NDUFV3: variants seen among roughly 807,000 people sequenced by gnomAD.
NDUFV3 encodes the protein NADH:ubiquinone oxidoreductase subunit V3.
Under a neutral mutation model 37.5 loss-of-function variants are expected in NDUFV3, and 44 were observed. The observed-to-expected ratio is 1.17, with a 90% CI of 0.92 to 1.51. NDUFV3 has a LOEUF of 1.51. Ranked by LOEUF, NDUFV3 falls within the 40% of genes most tolerant of loss-of-function variation. The pLI, the probability that NDUFV3 is intolerant of heterozygous loss-of-function variation, is 0.00. For missense variants in NDUFV3, 580 were observed against 580.4 expected, an observed-to-expected ratio of 1.00 and a Z score of 0.01; for synonymous variants, 235 against 239.3, an observed-to-expected ratio of 0.98 and a Z score of 0.17.
chr21:42,898,591 C>T (rs6586260), intron 2 of NDUFV3, among the ~76,000 whole-genome samples: 91,570 of 152,082 alleles, frequency 0.6, 28,350 homozygotes, highest in African/African-American at 0.71. Flanking sequence ...CACCTCAGCC[C>T]CTGGAGTAGC....
chr21:42,908,840 A>ATGGGCATCGTG, intron 3 of NDUFV3, 24 bp from the exon 4 acceptor site: 1 of 1,613,880 alleles, frequency 6.2e-7, no homozygotes, highest in Non-Finnish European at 8.5e-7. Flanking sequence ...TGTTGGTCTC[A>ATGGGCATCGTG]TGGGCATCGT....
rs766606719 is a variant in NDUFV3 at position 42,904,088 on chromosome 21, G to A, written c.1076G>A (p.Gly359Glu). ...AGAAAGGAAACCTCAGGGACGCAGG[G>A]AATAGAAGGCCACCTGAAGGGTGGA... is the stretch of plus-strand genomic sequence containing the variant. ...LPRKETSGTQGIEGHLKGGQA... is the reference protein window; with the variant it reads ...LPRKETSGTQEIEGHLKGGQA... Residue 359 changes from glycine to glutamate, a missense_variant, in exon 3 of 4, where the codon GGA (glycine) becomes GAA (glutamate). Transcript: ENST00000354250. 1.2e-6 allele frequency: 2 copies of A among 1,614,102 alleles called. No homozygotes were observed. Among genetic ancestry groups the A allele is most frequent in the East Asian group, 2.2e-5 (1 of 44,894 alleles).
Position 42,904,049 on chromosome 21 carries a change from C to T in NDUFV3, c.1037C>T (p.Ala346Val), listed in dbSNP as rs2058730677. Residue 346 changes from alanine (A) to valine (V), a missense_variant, in exon 3 of 4, where the codon GCC becomes GTC. Coordinates refer to ENST00000354250, the MANE Select transcript of NDUFV3 (RefSeq NM_021075.4). ...KPVPEPQRKAAPPLPRKETSG... is the reference protein window; with the variant it reads ...KPVPEPQRKAVPPLPRKETSG... ...GTGCCAGAGCCCCAGCGCAAGGCGG[C>T]CCCTCCCCTGCCCAGAAAGGAAACC... 1 of 1,614,014 alleles carries T rather than the reference C, an allele frequency of 6.2e-7. No homozygotes were observed. The highest frequency in any genetic ancestry group is 1.3e-5 in the African/African-American group (1 of 74,924).
chr21:42,900,836 C>T (rs2058715124), intron 2 of NDUFV3, among the ~76,000 whole-genome samples: 1 of 152,174 alleles, frequency 6.6e-6, no homozygotes, highest in African/African-American at 2.4e-5. Context: ...CAGCTTTCCC[C>T]AGCACATGCG....
At chr21:42,898,347 G>T (rs1408942103) in intron 2 of NDUFV3, among the ~76,000 whole-genome samples, 1 of 152,030 alleles carries the variant, frequency 6.6e-6, no homozygotes, top group Non-Finnish European at 1.5e-5. Context: ...CAGTGGCACA[G>T]TCATAGCTCA....
In NDUFV3 at chr21:42,903,397, CTGTCTCCAT is replaced by C. The variant is rs755350830; in HGVS notation, c.387_395del (p.Ser130_Phe132del). 6.9e-5 allele frequency: 111 copies of C among 1,614,098 alleles called. No homozygotes were observed. Among genetic ancestry groups the C allele is most frequent in the Non-Finnish European group, 1.1e-5 (13 of 1,180,040 alleles). On this transcript the variant is annotated inframe_deletion, in exon 3 of 4. Transcript: ENST00000354250. ...TTTGGTAGAGTTTCCACAGAAAGTT[CTGTCTCCAT>C]TCAGAAAACAGGGCTCTGATTCAGA... is the stretch of plus-strand genomic sequence containing the variant.
chr21:42,908,837 C>T, intron 3 of NDUFV3, 27 bp from the exon 4 acceptor site: 2 of 1,614,136 alleles, frequency 1.2e-6, no homozygotes, highest in Non-Finnish European at 1.7e-6. Flanking sequence ...TTGTGTTGGT[C>T]TCATGGGCAT....
rs879102036 is a variant in NDUFV3 at position 42,903,477 on chromosome 21, C to T, written c.465C>T (p.Ser155=). The part of the protein sequence containing the change: ...GRKVTSPSSS[S]SSSSSDSESD... ...AAGTGACGTCGCCTTCGTCTTCATC[C>T]TCTTCCAGCTCCTCTGATTCTGAAT... The change falls in exon 3 of 4, where the codon TCC becomes TCT. Residue 155 remains serine, a synonymous_variant. Transcript: ENST00000354250. 1 of 1,613,970 alleles carries T rather than the reference C, an allele frequency of 6.2e-7. No individual in the cohort carries two copies. The highest frequency in any genetic ancestry group is 1.7e-5 in the Admixed American group (1 of 59,992).
At position 42,896,967 on chromosome 21, in the gene NDUFV3, C is replaced by G; in HGVS notation, c.89C>G (p.Ser30Cys). The change falls in exon 2 of 4, where the codon TCT (serine) becomes TGT (cysteine). Residue 30 changes from serine to cysteine, a missense_variant. Transcript: ENST00000354250. ...QEAQVFRGLA[S>C]TVSLSAESGK... ...GCCCAGGTGTTTCGAGGACTTGCTT[C>G]TACGGTTTCTTTGTCTGCGGAATCA... The G allele has an allele frequency of 6.2e-7, 1 of 1,614,050 alleles. No individual in the cohort carries two copies. Among genetic ancestry groups the G allele is most frequent in the Non-Finnish European group, 8.5e-7 (1 of 1,179,948 alleles).
At chr21:42,906,462 C>T (rs911586172) in intron 3 of NDUFV3, among the ~76,000 whole-genome samples, 9 of 152,116 alleles carry the variant, frequency 5.9e-5, no homozygotes, top group Non-Finnish European at 7.4e-5. Context: ...CGCCAAGTGC[C>T]GGTGCTTGCC....
rs1450931430 is a variant in NDUFV3, at chr21:42,893,332, C to G, written c.-2C>G. On this transcript the variant is annotated 5_prime_UTR_variant, in exon 1 of 4. Coordinates refer to ENST00000354250, the MANE Select transcript of NDUFV3 (RefSeq NM_021075.4). ...CTGCTTGGTGCGCCCGCTGTCACCG[C>G]CATGGCTGCCCCGTGTTTGCTGCGG... 2 of 1,538,152 alleles carry G rather than the reference C, an allele frequency of 1.3e-6. No homozygotes were observed. The highest frequency in any genetic ancestry group is 2.7e-5 in the African/African-American group (2 of 72,948).
chr21:42,908,168 G>A (rs35893787), intron 3 of NDUFV3, among the ~76,000 whole-genome samples: 24,322 of 151,680 alleles, frequency 0.16, 2,369 homozygotes, highest in Non-Finnish European at 0.21. Context: ...TTAGCCAGGC[G>A]TGGTGGCAGA....
At chr21:42,901,128 A>G (rs2058716272) in intron 2 of NDUFV3, among the ~76,000 whole-genome samples, 1 of 152,128 alleles carries the variant, frequency 6.6e-6, no homozygotes, top group Non-Finnish European at 1.5e-5. Context: ...TTCTATTTAC[A>G]CACAGTGTAA....
At position 42,894,408 on chromosome 21, in the gene NDUFV3, A is replaced by AAT. The variant is rs2058676731; in HGVS notation, c.48+1033_48+1034dup. On this transcript the variant is annotated intron_variant, in intron 1 of 3. Transcript: ENST00000354250. ...GTAAATATATATTATATATTTATAT[A>AAT]ATATATAATATATTATATAAATATA... Among the ~76,000 whole-genome samples the AAT allele has an allele frequency of 5.0e-5, 2 of 39,898 alleles. 1 individual carries two copies. Among genetic ancestry groups the AAT allele is most frequent in the South Asian group, 9.7e-4 (2 of 2,068 alleles). The allele number at this position is 39,898 out of a possible 152,430, so 26.2% of individuals were successfully genotyped here.
chr21:42,903,723 A>G lies in NDUFV3; in HGVS notation c.711A>G (p.Ser237=). ...PKKKGSPAKP[S]EGRENARPKT... is the part of the protein sequence containing the mutation. ...AGAAAGGGTCCCCTGCTAAGCCATC[A>G]GAAGGCAGGGAAAATGCGAGACCAA... Residue 237 remains serine, a synonymous_variant, in exon 3 of 4, where the codon TCA becomes TCG. Transcript: ENST00000354250. The G allele has an allele frequency of 6.2e-7, 1 of 1,614,240 alleles. No homozygotes were observed. The highest frequency in any genetic ancestry group is 8.5e-7 in the Non-Finnish European group (1 of 1,180,048).
chr21:42,902,622 T>G (rs2058721831), intron 2 of NDUFV3, among the ~76,000 whole-genome samples: 1 of 152,204 alleles, frequency 6.6e-6, no homozygotes, highest in East Asian at 1.9e-4. Flanking sequence ...ACCTTTATTT[T>G]ACATAGTTTG....
At chr21:42,895,912 T>C (rs1412982252) in intron 1 of NDUFV3, among the ~76,000 whole-genome samples, 2 of 151,912 alleles carry the variant, frequency 1.3e-5, no homozygotes, top group Non-Finnish European at 2.9e-5. Context: ...TGCACTTACA[T>C]GTAGTGGTAA....
rs201597963 is a variant in NDUFV3 at position 42,903,320 on chromosome 21, G to T, written c.308G>T (p.Gly103Val). Residue 103 changes from glycine to valine, a missense_variant, in exon 3 of 4, where the codon GGC (glycine) becomes GTC (valine). Gly to Val is a moderately radical substitution (Grantham distance 109). Transcript: ENST00000354250. ...AAGGTAGCTAGTCCCAGTCCCAGTGGCAGCGTGCTATTCACAGATGAAGGG... is the reference window on the plus strand; with the variant it reads ...AAGGTAGCTAGTCCCAGTCCCAGTGTCAGCGTGCTATTCACAGATGAAGGG... ...GRKVASPSPSGSVLFTDEGVP... is the reference protein window; with the variant it reads ...GRKVASPSPSVSVLFTDEGVP... The T allele has an allele frequency of 1.7e-4, 270 of 1,614,194 alleles. No homozygotes were observed. Among genetic ancestry groups the T allele is most frequent in the Non-Finnish European group, 2.2e-4 (258 of 1,180,034 alleles).
At position 42,908,136 on chromosome 21, in the gene NDUFV3, GTC is replaced by G. The variant is rs763018531; in HGVS notation, c.1265-724_1265-723del. On this transcript the variant is annotated intron_variant, in intron 3 of 3. Coordinates refer to ENST00000354250, the MANE Select transcript of NDUFV3 (RefSeq NM_021075.4). ...ACCCTGGCCAACATGGTGAAACCCC[GTC>G]TCTACTAAAAATACAAAAATTAGCC... Among the ~76,000 whole-genome samples the G allele has an allele frequency of 3.7e-3, 560 of 151,806 alleles. 1 individual carries two copies. The highest frequency in any genetic ancestry group is 6.4e-3 in the Non-Finnish European group (437 of 67,904).
Sources: gnomAD v4.1 joint callset for allele counts (sites outside exome capture counted in the v4.1 genomes callset) on GRCh38, gnomAD v4.1.1 for gene constraint, MANE v1.5 for transcripts, NCBI Gene and HGNC (gene_info 2026-07-23, HGNC 2026-07-21) for gene names.